The following LONRF1 variants were observed in gnomAD, a reference collection of about 807,000 sequenced individuals.
The protein encoded by LONRF1 is LON peptidase N-terminal domain and RING finger protein 1.
A neutral mutation model predicts 85.8 loss-of-function variants in LONRF1; 37 were observed. The observed-to-expected ratio is 0.43, with a 90% CI of 0.33 to 0.57. The LOEUF is 0.57. Among genes scored for constraint, LONRF1 ranks in the 20% least tolerant of loss-of-function variants. The probability of loss-of-function intolerance (pLI) is 0.04; values close to 1 mark genes in which losing one functional copy is unlikely to be tolerated. For synonymous variants in LONRF1, 517 were observed against 390.1 expected (o/e 1.33, Z -3.83); for missense variants, 1,036 against 978.0 (o/e 1.06, Z -0.79).
intron 10 of LONRF1, among the ~76,000 whole-genome samples, chr8:12,726,236 G>A (rs1403151573): frequency 6.6e-6 from 1 of 152,166 alleles, no homozygotes; most frequent in African/African-American, 2.4e-5. Flanking sequence ...GTTTTTGAAA[G>A]CAGTGGAACA....
At chr8:12,742,060 T>G (rs1220598656) in intron 2 of LONRF1, among the ~76,000 whole-genome samples, 1 of 152,202 alleles carries the variant, frequency 6.6e-6, no homozygotes, top group Non-Finnish European at 1.5e-5. Context: ...AGCTACCACT[T>G]TAATGGCTGA....
intron 6 of LONRF1, among the ~76,000 whole-genome samples, chr8:12,736,163 G>A (rs1165605982): frequency 1.3e-5 from 2 of 152,056 alleles, no homozygotes; most frequent in South Asian, 2.1e-4. Flanking sequence ...GACCCCGTAT[G>A]AATCTTTTGA....
chr8:12,728,269 A>G (rs1798396345), intron 10 of LONRF1, among the ~76,000 whole-genome samples: 1 of 152,198 alleles, frequency 6.6e-6, no homozygotes, highest in Non-Finnish European at 1.5e-5. Flanking sequence ...AAAGGGCCAC[A>G]TTAACCCTAT....
At chr8:12,747,737 G>C (rs1196853808) in intron 1 of LONRF1, among the ~76,000 whole-genome samples, 5 of 138,414 alleles carry the variant, frequency 3.6e-5, no homozygotes, top group Non-Finnish European at 7.8e-5. Flanking sequence ...CACTAACTCA[G>C]GTTGACTGAA....
intron 4 of LONRF1, chr8:12,737,445 C>T (rs1205524558): frequency 2.0e-6 from 1 of 497,644 alleles, no homozygotes; most frequent in East Asian, 4.6e-5. Context: ...TACAGTATAA[C>T]AACTATTTAC....
Position 12,735,370 on chromosome 8 carries a change from G to A in LONRF1, c.1482C>T (p.Cys494=), listed in dbSNP as rs771031002. 3.0e-5 allele frequency: 48 copies of A among 1,604,936 alleles called. No individual in the cohort carries two copies. Among genetic ancestry groups the A allele is most frequent in the East Asian group, 6.7e-5 (3 of 44,766 alleles). ...GACAATTCTTACAGAACGAATGTCC[G>A]CAAGGGGTTGTTACTGGCTCAAAAA... ...RLFFEPVTTP[C]GHSFCKNCLE... is the part of the protein sequence containing the mutation. Residue 494 remains cysteine, a synonymous_variant, in exon 7 of 12, where the codon TGC becomes TGT. Transcript: ENST00000398246.
At chr8:12,754,517 G>A (rs1448004523) in intron 1 of LONRF1, among the ~76,000 whole-genome samples, 183 bp downstream of exon 1, 2 of 151,964 alleles carry the variant, frequency 1.3e-5, no homozygotes, top group East Asian at 3.9e-4. Flanking sequence ...CATTATGACC[G>A]AAGCACCCCG....
At position 12,742,839 on chromosome 8, in the gene LONRF1, C is replaced by T. The variant is rs116026595; in HGVS notation, c.840+325G>A. ...CTCCAGGGCTCCAGTGACCTTCCCA[C>T]TTCAGCCTCTCGAGTAGTTGGGACT... On this transcript the variant is annotated intron_variant, in intron 2 of 11. Coordinates refer to ENST00000398246, the MANE Select transcript of LONRF1 (RefSeq NM_152271.5). Among the ~76,000 whole-genome samples the T allele has an allele frequency of 8.4e-3, 1,282 of 152,222 alleles. 15 individuals carry two copies. The highest frequency in any genetic ancestry group is 0.03 in the African/African-American group (1,239 of 41,544).
intron 7 of LONRF1, among the ~76,000 whole-genome samples, chr8:12,734,923 C>T (rs1189440847): frequency 2.0e-5 from 3 of 152,060 alleles, no homozygotes; most frequent in Non-Finnish European, 4.4e-5. Context: ...GAAGCTGAAA[C>T]AGTCCTCACA....
chr8:12,725,998 G>A, intron 10 of LONRF1, 119 bp from the exon 11 acceptor site: 1 of 836,468 alleles, frequency 1.2e-6, no homozygotes, highest in Non-Finnish European at 1.9e-6. Context: ...TTTCAGTGCT[G>A]ACGTCCCAGA....
chr8:12,722,822 T>A lies in LONRF1; in HGVS notation c.*274A>T. 3.6e-6 allele frequency: 1 copy of A among 276,174 alleles called. No homozygotes were observed. The highest frequency in any genetic ancestry group is 6.4e-5 in the South Asian group (1 of 15,610). The allele number at this position is 276,174 out of a possible 1,614,324, so 17.1% of individuals were successfully genotyped here. A position where few individuals can be genotyped will look rare whatever the true frequency, so the allele number is the denominator to read the frequency against. ...CACACTCTCTCACAGACATAAAGAG[T>A]TCTTATTTCATTTTAGAGTATGGTA... On this transcript the variant is annotated 3_prime_UTR_variant, in exon 12 of 12. Coordinates refer to ENST00000398246, the MANE Select transcript of LONRF1 (RefSeq NM_152271.5).
chr8:12,735,421 T>C, intron 6 of LONRF1, 21 bp from the exon 7 acceptor site: 5 of 1,481,478 alleles, frequency 3.4e-6, no homozygotes, highest in South Asian at 1.2e-5. Flanking sequence ...CCAAGATACA[T>C]GTTAGTTTTC....
chr8:12,742,686 G>C (rs1471486330), intron 2 of LONRF1, among the ~76,000 whole-genome samples: 1 of 151,808 alleles, frequency 6.6e-6, no homozygotes, highest in Non-Finnish European at 1.5e-5. Context: ...TGAAAGAAAA[G>C]TCTCTTATAA....
At chr8:12,727,525 G>T (rs940350840) in intron 10 of LONRF1, among the ~76,000 whole-genome samples, 3 of 151,868 alleles carry the variant, frequency 2.0e-5, no homozygotes. Context: ...AAGAGGACTC[G>T]TTTATAAATA....
At chr8:12,754,512 T>C (rs1056829223) in intron 1 of LONRF1, among the ~76,000 whole-genome samples, 188 bp downstream of exon 1, 1 of 151,944 alleles carries the variant, frequency 6.6e-6, no homozygotes, top group East Asian at 2.0e-4. Context: ...ATCCCCATTA[T>C]GACCGAAGCA....
At position 12,736,807 on chromosome 8, in the gene LONRF1, CAA is replaced by C. The variant is rs769455989; in HGVS notation, c.1355-12_1355-11del. The C allele has an allele frequency of 3.0e-4, 482 of 1,597,392 alleles. No individual in the cohort carries two copies. The highest frequency in any genetic ancestry group is 4.0e-4 in the Non-Finnish European group (466 of 1,172,476). ...ACTTCATTGGGAGTTTCTATTAAAA[CAA>C]AGACATGGGGTTTTCTTCCTTAGGA... On this transcript the variant is annotated splice_polypyrimidine_tract_variant and intron_variant, in intron 5 of 11. Coordinates refer to ENST00000398246, the MANE Select transcript of LONRF1 (RefSeq NM_152271.5).
intron 7 of LONRF1, among the ~76,000 whole-genome samples, chr8:12,732,408 C>A (rs115287921): frequency 6.6e-6 from 1 of 152,118 alleles, no homozygotes; most frequent in African/African-American, 2.4e-5. Flanking sequence ...AAGGAAGGTG[C>A]GTTTCTTGGG....
chr8:12,727,691 T>C (rs1162321910), intron 10 of LONRF1, among the ~76,000 whole-genome samples: 2 of 152,324 alleles, frequency 1.3e-5, no homozygotes, highest in East Asian at 1.9e-4. Flanking sequence ...AATATGGTTA[T>C]TAACTTTACA....
chr8:12,734,150 T>C (rs554632844), intron 7 of LONRF1, among the ~76,000 whole-genome samples: 1 of 152,316 alleles, frequency 6.6e-6, no homozygotes, highest in South Asian at 2.1e-4. Flanking sequence ...CAGTACTTCA[T>C]CTAAAAACAT....
Sources: gnomAD v4.1 joint callset for allele counts (sites outside exome capture counted in the v4.1 genomes callset) on GRCh38, gnomAD v4.1.1 for gene constraint, MANE v1.5 for transcripts, NCBI Gene and HGNC (gene_info 2026-07-23, HGNC 2026-07-21) for gene names.